ANKRD12: variants seen among roughly 807,000 people sequenced by gnomAD.
ANKRD12 encodes ankyrin repeat domain-containing protein 12.
A neutral mutation model predicts 183.4 loss-of-function variants in ANKRD12; 85 were observed. The observed-to-expected ratio is 0.46, with a 90% confidence interval of 0.39 to 0.56. The LOEUF is 0.56. Among genes scored for constraint, ANKRD12 ranks in the 20% least tolerant of loss-of-function variants. ANKRD12 has a pLI of 0.00. For missense variants in ANKRD12, 2,405 were observed against 2,357.1 expected (o/e 1.02, Z -0.42); for synonymous variants, 914 against 800.2 (o/e 1.14, Z -2.40).
Position 9,257,213 on chromosome 18 carries a change from A to G in ANKRD12, c.3946A>G (p.Ile1316Val). The G allele has an allele frequency of 6.2e-7, 1 of 1,614,174 alleles. No homozygotes were observed. The highest frequency in any genetic ancestry group is 1.7e-5 in the Admixed American group (1 of 60,014). The part of the protein sequence containing the change: ...EVRRCSMPSV[I>V]CEHTKQFQTI... ...TCGAAGATGTAGCATGCCTTCTGTC[A>G]TTTGTGAACATACCAAACAATTCCA... Residue 1316 changes from isoleucine to valine, a missense_variant, in exon 9 of 13, where the codon ATT becomes GTT. Ile to Val is a conservative substitution (Grantham distance 29). This residue lies in a region of ANKRD12 where 1,983 missense variants were observed against 1,725.9 expected (regional missense o/e 1.15). Coordinates refer to ENST00000262126, the MANE Select transcript of ANKRD12 (RefSeq NM_015208.5).
intron 2 of ANKRD12, among the ~76,000 whole-genome samples, chr18:9,185,410 T>C (rs1246483733): frequency 6.6e-6 from 1 of 152,234 alleles, no homozygotes; most frequent in East Asian, 1.9e-4. Context: ...AAAAATAGTC[T>C]GGGTCCATTC....
chr18:9,269,871 T>C (rs780591860), intron 10 of ANKRD12, among the ~76,000 whole-genome samples: 3 of 152,142 alleles, frequency 2.0e-5, no homozygotes, highest in Admixed American at 6.5e-5. Context: ...AATCTACTTA[T>C]CTAACAAAGG....
chr18:9,173,628 A>AG (rs775694472), intron 1 of ANKRD12, among the ~76,000 whole-genome samples: 2,396 of 51,254 alleles, frequency 0.047, 45 homozygotes, highest in Middle Eastern at 0.076. Flanking sequence ...GGGGGGGGGT[A>AG]GGGGGGGCAG....
chr18:9,235,990 A>T (rs1048395282), intron 8 of ANKRD12, among the ~76,000 whole-genome samples: 9 of 151,236 alleles, frequency 6.0e-5, no homozygotes, highest in Non-Finnish European at 2.9e-5. Flanking sequence ...TTAAGATTAT[A>T]TGTTAAGGGA....
intron 8 of ANKRD12, among the ~76,000 whole-genome samples, chr18:9,229,536 TTTGTTG>T (rs373341999): frequency 7.9e-5 from 12 of 152,080 alleles, no homozygotes; most frequent in African/African-American, 2.9e-4. Flanking sequence ...TTCCTAGTTG[TTTGTTG>T]TTGTTGTTGT....
chr18:9,213,067 T>C (rs192941805), intron 6 of ANKRD12, among the ~76,000 whole-genome samples: 1 of 152,084 alleles, frequency 6.6e-6, no homozygotes, highest in East Asian at 1.9e-4. Flanking sequence ...TTTTCATCTT[T>C]TATGTATCAT....
At chr18:9,161,528 A>T (rs2031417552) in intron 1 of ANKRD12, among the ~76,000 whole-genome samples, 1 of 151,762 alleles carries the variant, frequency 6.6e-6, no homozygotes, top group African/African-American at 2.4e-5. Context: ...GGCGCCCGCC[A>T]CCACGCCTGG....
Position 9,256,738 on chromosome 18 carries a change from A to G in ANKRD12, c.3471A>G (p.Lys1157=), listed in dbSNP as rs781485803. Residue 1157 remains lysine (K), a synonymous_variant, in exon 9 of 13, where the codon AAA becomes AAG. Coordinates refer to ENST00000262126, the MANE Select transcript of ANKRD12 (RefSeq NM_015208.5). ...CATATACCAAGGAGAAACAACCTAA[A>G]GATGCTGTAAGTAACAGATCACAAT... ...TDAYTKEKQP[K]DAVSNRSQSV... 142 of 1,612,826 alleles carry G rather than the reference A, an allele frequency of 8.8e-5. No individual in the cohort carries two copies. The highest frequency in any genetic ancestry group is 1.2e-4 in the Non-Finnish European group (136 of 1,179,656).
intron 3 of ANKRD12, among the ~76,000 whole-genome samples, chr18:9,198,909 G>A (rs1387501489): frequency 6.6e-6 from 1 of 151,852 alleles, no homozygotes; most frequent in Non-Finnish European, 1.5e-5. Flanking sequence ...CTTTATAATA[G>A]CAAAAAAATC....
At chr18:9,264,333 C>A (rs2039153826) in intron 10 of ANKRD12, among the ~76,000 whole-genome samples, 1 of 152,104 alleles carries the variant, frequency 6.6e-6, no homozygotes, top group Non-Finnish European at 1.5e-5. Flanking sequence ...GGAAGAAAAA[C>A]CTTTATCGGG....
In ANKRD12 at chr18:9,255,181, C is replaced by T. The variant is rs1374924515; in HGVS notation, c.1914C>T (p.Cys638=). 6.4e-7 allele frequency: 1 copy of T among 1,569,180 alleles called. No individual in the cohort carries two copies. Among genetic ancestry groups the T allele is most frequent in the South Asian group, 1.2e-5 (1 of 82,492 alleles). Reference sequence around the variant, plus strand: ...GTCCAACATTTGAAAATTCAGATTGCACACTGAAAAAAATGGATAAAGAAG... The same window carrying T: ...GTCCAACATTTGAAAATTCAGATTGTACACTGAAAAAAATGGATAAAGAAG... ...DHSPTFENSD[C]TLKKMDKEGK... The change falls in exon 9 of 13, where the codon TGC becomes TGT. Residue 638 remains cysteine, a synonymous_variant. Coordinates refer to ENST00000262126, the MANE Select transcript of ANKRD12 (RefSeq NM_015208.5).
intron 4 of ANKRD12, among the ~76,000 whole-genome samples, chr18:9,207,289 G>A (rs1391626975): frequency 6.6e-6 from 1 of 151,952 alleles, no homozygotes; most frequent in Admixed American, 6.6e-5. Context: ...TAATGATAAT[G>A]AAATAATAAA....
intron 6 of ANKRD12, among the ~76,000 whole-genome samples, chr18:9,213,182 G>T (rs1384805663): frequency 6.6e-6 from 1 of 151,560 alleles, no homozygotes; most frequent in Non-Finnish European, 1.5e-5. Context: ...TTCAAATTTG[G>T]TTTCTGTTTT....
At chr18:9,241,517 T>C (rs1413664000) in intron 8 of ANKRD12, among the ~76,000 whole-genome samples, 2 of 152,170 alleles carry the variant, frequency 1.3e-5, no homozygotes, top group Admixed American at 1.3e-4. Flanking sequence ...TCTGAGGTTG[T>C]TGAATAGCAG....
In ANKRD12 at chr18:9,257,387, A is replaced by G. The variant is rs2038699821; in HGVS notation, c.4120A>G (p.Thr1374Ala). The part of the protein sequence containing the change: ...NIHSSFATSP[T>A]GASNSKYVSA... Reference sequence around the variant, plus strand: ...ACATTCCAGTTTTGCAACTTCTCCAACTGGAGCTTCAAACAGCAAGTATGT... The same window carrying G: ...ACATTCCAGTTTTGCAACTTCTCCAGCTGGAGCTTCAAACAGCAAGTATGT... Residue 1374 changes from threonine (T) to alanine (A), a missense_variant, in exon 9 of 13, where the codon ACT (threonine) becomes GCT (alanine). Coordinates refer to ENST00000262126, the MANE Select transcript of ANKRD12 (RefSeq NM_015208.5). The G allele has an allele frequency of 1.2e-6, 2 of 1,614,106 alleles. No homozygotes were observed. The highest frequency in any genetic ancestry group is 1.7e-6 in the Non-Finnish European group (2 of 1,180,002).
chr18:9,231,086 T>C (rs1365711573), intron 8 of ANKRD12, among the ~76,000 whole-genome samples: 2 of 152,196 alleles, frequency 1.3e-5, no homozygotes, highest in Non-Finnish European at 2.9e-5. Flanking sequence ...TCAAAGTTCC[T>C]TTTGGTATTG....
chr18:9,210,294 T>G (rs1356350234), intron 5 of ANKRD12, among the ~76,000 whole-genome samples: 1 of 152,202 alleles, frequency 6.6e-6, no homozygotes, highest in African/African-American at 2.4e-5. Flanking sequence ...AAATATTTCT[T>G]GAATACCGCT....
At chr18:9,167,145 C>T (rs150807538) in intron 1 of ANKRD12, among the ~76,000 whole-genome samples, 5,276 of 152,146 alleles carry the variant, frequency 0.035, 228 homozygotes, top group African/African-American at 0.1. Context: ...TGAAGTCAGG[C>T]AGTGTGATAC....
rs1254657088 is a variant in ANKRD12, at chr18:9,256,139, C to A, written c.2872C>A (p.Leu958Ile). 3 of 1,554,752 alleles carry A rather than the reference C, an allele frequency of 1.9e-6. No individual in the cohort carries two copies. Among genetic ancestry groups the A allele is most frequent in the Non-Finnish European group, 2.6e-6 (3 of 1,160,878 alleles). ...CAAAAATAAAGAAAAAGACAGGGAG[C>A]TAGATAAAAAGGAAAAATCTAGAGA... is the stretch of plus-strand genomic sequence containing the variant. ...KGKNKEKDRE[L>I]DKKEKSRDKE... The change falls in exon 9 of 13, where the codon CTA (leucine) becomes ATA (isoleucine). Residue 958 changes from leucine (L) to isoleucine (I), a missense_variant. By Grantham distance (5) the Leu-to-Ile change is conservative. Transcript: ENST00000262126.
Sources: allele counts gnomAD v4.1 joint callset (sites outside exome capture counted in the v4.1 genomes callset), GRCh38; gene constraint gnomAD v4.1.1; regional missense constraint gnomAD v4.1.1; transcripts MANE v1.5; gene names NCBI Gene and HGNC (gene_info 2026-07-23, HGNC 2026-07-21).